EML2: variants seen among roughly 807,000 people sequenced by gnomAD.
EML2 encodes echinoderm microtubule-associated protein-like 2.
A neutral mutation model predicts 84.7 loss-of-function variants in EML2; 59 were observed. The ratio of observed to expected loss-of-function variants is 0.70; its 90% CI spans 0.56 to 0.86. EML2 has a LOEUF of 0.86. Among genes scored for constraint, EML2 ranks in the 40% least tolerant of loss-of-function variants. The pLI is 0.00. For missense variants in EML2, 818 were observed against 855.6 expected, an observed-to-expected ratio of 0.96 and a Z score of 0.55; for synonymous variants, 352 against 348.9, an observed-to-expected ratio of 1.01 and a Z score of -0.10.
At chr19:45,632,747 C>CGT in intron 6 of EML2, 114 bp downstream of exon 6, 1 of 882,554 alleles carries the variant, frequency 1.1e-6, no homozygotes, top group Non-Finnish European at 1.8e-6. Context: ...CAGAGGCGGG[C>CGT]CACGCCTCCA....
intron 12 of EML2, 53 bp downstream of exon 12, chr19:45,619,007 G>A (rs904725191): frequency 2.4e-5 from 37 of 1,523,444 alleles, no homozygotes; most frequent in Middle Eastern, 3.6e-4. Context: ...CCTGACACAG[G>A]GGGAAAGGTA....
intron 9 of EML2, 119 bp downstream of exon 9, chr19:45,624,599 TG>T: frequency 1.4e-6 from 1 of 696,532 alleles, no homozygotes; most frequent in South Asian, 1.8e-5. Flanking sequence ...TTGACGAGGG[TG>T]TTGGAATCGG....
chr19:45,616,674 C>G (rs935060484), intron 14 of EML2, 91 bp downstream of exon 14: 1 of 1,419,090 alleles, frequency 7.0e-7, no homozygotes, highest in Non-Finnish European at 9.8e-7. Flanking sequence ...TCCTAGGCCT[C>G]GCTTCGCAGG....
At position 45,633,103 on chromosome 19, in the gene EML2, C is replaced by T. The variant is rs150328865; in HGVS notation, c.366G>A (p.Thr122=). The T allele has an allele frequency of 6.2e-7, 1 of 1,600,826 alleles. No homozygotes were observed. Among genetic ancestry groups the T allele is most frequent in the African/African-American group, 1.3e-5 (1 of 74,908 alleles). The change falls in exon 5 of 19, where the codon ACG becomes ACA. Residue 122 remains threonine, a synonymous_variant. Coordinates refer to ENST00000245925, the MANE Select transcript of EML2 (RefSeq NM_012155.4). ...AIHPDMVTIA[T]GQVAGTTKEG... The stretch of plus-strand genomic sequence containing the variant: ...CCTTAGTGGTTCCCGCCACCTGTCC[C>T]GTGGCGATGGTGACCATATCTGGGT...
Position 45,613,672 on chromosome 19 carries a change from C to T in EML2, c.1694-1G>A, listed in dbSNP as rs751787095. ...CCGTCCGCCCCCTCAGACCAGATCC[C>T]TGTGGGCAAGATGAAGGGAAGTGGT... On this transcript the variant is annotated splice_acceptor_variant, in intron 17 of 18. Coordinates refer to ENST00000245925, the MANE Select transcript of EML2 (RefSeq NM_012155.4). LOFTEE classifies it high-confidence loss of function. 8 of 1,611,482 alleles carry T rather than the reference C, an allele frequency of 5.0e-6. No individual in the cohort carries two copies. The highest frequency in any genetic ancestry group is 6.8e-6 in the Non-Finnish European group (8 of 1,178,076).
At chr19:45,644,958 A>G, upstream of EML2, 1 of 472,658 alleles carries the variant, frequency 2.1e-6, no homozygotes, top group Non-Finnish European at 4.0e-6. Context: ...GGGAGAGAGA[A>G]AGGGCAGAGT....
intron 1 of EML2, 41 bp downstream of exon 1, chr19:45,639,316 C>T: frequency 7.4e-7 from 1 of 1,344,284 alleles, no homozygotes; most frequent in East Asian, 3.0e-5. Context: ...GCCCCGGGAG[C>T]GCGGAGAGGA....
upstream of EML2, chr19:45,639,507 C>G: frequency 2.1e-6 from 2 of 950,516 alleles, no homozygotes; most frequent in Non-Finnish European, 2.7e-6. Context: ...GCCGGAGGGT[C>G]CCACCGGGTC....
In EML2 at chr19:45,621,577, C is replaced by T. The variant is rs200276028; in HGVS notation, c.902G>A (p.Cys301Tyr). 2 of 1,612,412 alleles carry T rather than the reference C, an allele frequency of 1.2e-6. No individual in the cohort carries two copies. Among genetic ancestry groups the T allele is most frequent in the South Asian group, 1.1e-5 (1 of 91,078 alleles). Residue 301 changes from cysteine (C) to tyrosine (Y), a missense_variant, in exon 10 of 19, where the codon TGC becomes TAC. Transcript: ENST00000245925. ...GAHDGGVFGLCALRDGTLVSG... is the reference protein window; with the variant it reads ...GAHDGGVFGLYALRDGTLVSG... ...CACCAGCGTCCCGTCCCGCAGGGCG[C>T]AGAGCCCAAACACGCCGCCGTCGTG...
rs1206550438 is a variant in EML2, at chr19:45,637,662, C to CTTTTTTTTTTTT, written c.179+842_179+843insAAAAAAAAAAAA. Among the ~76,000 whole-genome samples the CTTTTTTTTTTTT allele has an allele frequency of 6.6e-5, 3 of 45,800 alleles. 1 individual carries two copies. Among genetic ancestry groups the CTTTTTTTTTTTT allele is most frequent in the East Asian group, 7.6e-4 (1 of 1,308 alleles). The allele number at this position is 45,800 out of a possible 152,430, so 30.0% of individuals were successfully genotyped here. ...GGCTGGCTATTTTTTTTTTCTTTTTCTTTTCTTTTTTTTTTTTTTTTTTTT... is the reference window on the plus strand; with the variant it reads ...GGCTGGCTATTTTTTTTTTCTTTTTCTTTTTTTTTTTTTTTTCTTTTTTTTTTTTTTTTTTTT... On this transcript the variant is annotated intron_variant, in intron 3 of 18. Coordinates refer to ENST00000245925, the MANE Select transcript of EML2 (RefSeq NM_012155.4).
At chr19:45,634,617 A>C (rs1329201192) in intron 3 of EML2, 146 bp from the exon 4 acceptor site, 2 of 439,544 alleles carry the variant, frequency 4.6e-6, no homozygotes, top group Non-Finnish European at 6.2e-6. Flanking sequence ...GCTGGAGTGC[A>C]GTGGCGTGAT....
intron 9 of EML2, 115 bp from the exon 10 acceptor site, chr19:45,621,752 T>A: frequency 1.2e-5 from 10 of 800,036 alleles, no homozygotes; most frequent in African/African-American, 1.8e-5. Flanking sequence ...TTTTCCACCT[T>A]TTTTTTTTTT....
intron 18 of EML2, among the ~76,000 whole-genome samples, chr19:45,612,769 C>T (rs1469390710): frequency 1.3e-5 from 2 of 152,138 alleles, no homozygotes; most frequent in African/African-American, 4.8e-5. Flanking sequence ...ACATGGGTAA[C>T]AGGTACAGGA....
At position 45,634,354 on chromosome 19, in the gene EML2, T is replaced by C; in HGVS notation, c.297A>G (p.Arg99=). 1.2e-6 allele frequency: 2 copies of C among 1,613,932 alleles called. No homozygotes were observed. The highest frequency in any genetic ancestry group is 1.7e-6 in the Non-Finnish European group (2 of 1,179,898). ...TGTCATCGTTGTGTCCCAGGTAGTGTCGCTGCCTCTGCTCCTCCACGCTGT... is the reference window on the plus strand; with the variant it reads ...TGTCATCGTTGTGTCCCAGGTAGTGCCGCTGCCTCTGCTCCTCCACGCTGT... ...VLYSVEEQRQ[R]HYLGHNDDIK... The change falls in exon 4 of 19, where the codon CGA becomes CGG. Residue 99 remains arginine, a synonymous_variant. Transcript: ENST00000245925.
At position 45,626,850 on chromosome 19, in the gene EML2, TG is replaced by T; in HGVS notation, c.607-12del. 6.3e-7 allele frequency: 1 copy of T among 1,598,242 alleles called. No homozygotes were observed. ...AGCCTCATTGGAGCACTTTGGGGGG[TG>T]GGGGAGATTCTGAATGAGGACCTCA... On this transcript the variant is annotated splice_polypyrimidine_tract_variant and intron_variant, in intron 7 of 18. Transcript: ENST00000245925.
chr19:45,613,508 C>A, intron 18 of EML2, 33 bp downstream of exon 18: 1 of 1,609,212 alleles, frequency 6.2e-7, no homozygotes, highest in Non-Finnish European at 8.5e-7. Context: ...TGCTTGCTAC[C>A]CCCGTCCATC....
At chr19:45,631,882 G>C (rs748067708) in intron 6 of EML2, among the ~76,000 whole-genome samples, 945 of 91,184 alleles carry the variant, frequency 0.01, 11 homozygotes, top group South Asian at 0.034. Flanking sequence ...CAGCTAATTA[G>C]AATTTTTTTT....
In EML2 at chr19:45,623,751, A is replaced by G. The variant is rs183096283; in HGVS notation, c.841+968T>C. ...TTTTTAGTAGAGATGGGGTTTTGCTATGTTGGCCAGGCTGGTCTTAAACTC... is the reference window on the plus strand; with the variant it reads ...TTTTTAGTAGAGATGGGGTTTTGCTGTGTTGGCCAGGCTGGTCTTAAACTC... On this transcript the variant is annotated intron_variant, in intron 9 of 18. Transcript: ENST00000245925. 2.0e-4 allele frequency among the ~76,000 whole-genome samples: 30 copies of G among 152,122 alleles called. No homozygotes were observed. The Middle Eastern group carries it at 0.01, about 52-fold the overall frequency.
Position 45,609,539 on chromosome 19 carries a change from A to G in EML2, c.*124T>C. ...AATAGAGACTTCTGTATGTCAGTCT[A>G]CCCTCCCGCCCCCATAACCCCCTCT... On this transcript the variant is annotated 3_prime_UTR_variant, in exon 19 of 19. Transcript: ENST00000245925. The G allele has an allele frequency of 1.0e-6, 1 of 989,956 alleles. No individual in the cohort carries two copies. The highest frequency in any genetic ancestry group is 1.4e-6 in the Non-Finnish European group (1 of 738,648). The allele number at this position is 989,956 out of a possible 1,614,324, so 61.3% of individuals were successfully genotyped here.
Sources: gnomAD v4.1 joint callset for allele counts (sites outside exome capture counted in the v4.1 genomes callset) on GRCh38, gnomAD v4.1.1 for gene constraint, MANE v1.5 for transcripts, NCBI Gene and HGNC (gene_info 2026-07-23, HGNC 2026-07-21) for gene names.